Variants in STK10 observed in about 807,000 individuals in gnomAD.
STK10 encodes serine/threonine kinase 10, also known as serine/threonine-protein kinase 10.
Under a neutral mutation model 113.8 loss-of-function variants are expected in STK10, and 78 were observed. The observed-to-expected ratio is 0.69, with a 90% CI of 0.57 to 0.83. The LOEUF (loss-of-function observed/expected upper bound fraction) is 0.83. Among genes scored for constraint, STK10 ranks in the 40% least tolerant of loss-of-function variants. The pLI is 0.00. For missense variants in STK10, 1,109 were observed against 1,280.1 expected (o/e 0.87, Z 2.04); for synonymous variants, 465 against 494.7 (o/e 0.94, Z 0.80).
Position 172,052,967 on chromosome 5 carries a change from G to C in STK10, c.2728C>G (p.Leu910Val), listed in dbSNP as rs757849810. 16 of 1,614,060 alleles carry C rather than the reference G, an allele frequency of 9.9e-6. 1 individual carries two copies. The South Asian group carries it at 1.6e-4, about 17-fold the overall frequency. Residue 910 changes from leucine (L) to valine (V), a missense_variant, in exon 18 of 19, where the codon CTG becomes GTG. Leu to Val is a conservative substitution (Grantham distance 32). Transcript: ENST00000176763. ...KALDESHNQN[L>V]KEWRDKLRPR... ...CGAAGCTTGTCCCGCCATTCCTTCAGGTTCTGGTTATGGCTCTCATCCAGG... is the reference window on the plus strand; with the variant it reads ...CGAAGCTTGTCCCGCCATTCCTTCACGTTCTGGTTATGGCTCTCATCCAGG...
intron 1 of STK10, among the ~76,000 whole-genome samples, chr5:172,160,896 A>G (rs1770456959): frequency 6.6e-6 from 1 of 152,080 alleles, no homozygotes; most frequent in Non-Finnish European, 1.5e-5. Flanking sequence ...TGCACTTTCC[A>G]CCACTGTACA....
In STK10 at chr5:172,053,005, TG is replaced by T. The variant is rs752403144; in HGVS notation, c.2689del (p.Gln897ArgfsTer3). On this transcript the variant is annotated frameshift_variant, in exon 18 of 19. Transcript: ENST00000176763. LOFTEE classifies it high-confidence loss of function. ...GCTCTCATCCAGGGCCTTCAGTTTCTGGGTTTCGTGCTCTACCAGGAGGTGG... is the reference window on the plus strand; with the variant it reads ...GCTCTCATCCAGGGCCTTCAGTTTCTGGTTTCGTGCTCTACCAGGAGGTGG... The part of the protein sequence containing the change: ...KCHLLVEHET[Q>X]KLKALDESHN... 1 of 1,614,198 alleles carries T rather than the reference TG, an allele frequency of 6.2e-7. No individual in the cohort carries two copies. Among genetic ancestry groups the T allele is most frequent in the African/African-American group, 1.3e-5 (1 of 75,056 alleles).
At chr5:172,053,530 G>C (rs1049961871) in intron 17 of STK10, among the ~76,000 whole-genome samples, 17 of 152,240 alleles carry the variant, frequency 1.1e-4, no homozygotes, top group African/African-American at 4.1e-4. Flanking sequence ...TCACTGACAT[G>C]GGTGAGACTC....
rs35745235 is a variant in STK10 at position 172,150,047 on chromosome 5, CAAAAAAAAAAAA to C, written c.321+6565_321+6576del. On this transcript the variant is annotated intron_variant, in intron 2 of 18. Coordinates refer to ENST00000176763, the MANE Select transcript of STK10 (RefSeq NM_005990.4). ...GGGCAACAAGAACAAAACTTTGTCT[CAAAAAAAAAAAA>C]AAAAAAAAGAAAGAAAGACCTCCTT... Among the ~76,000 whole-genome samples, 379 of 87,112 alleles carry C rather than the reference CAAAAAAAAAAAA, an allele frequency of 4.4e-3. 3 individuals carry two copies. Among genetic ancestry groups the C allele is most frequent in the African/African-American group, 0.014 (339 of 23,670 alleles). 57.1% of individuals were successfully genotyped at this position (87,112 alleles called of 152,430 possible).
intron 2 of STK10, among the ~76,000 whole-genome samples, chr5:172,139,342 A>C (rs1338799351): frequency 6.6e-6 from 1 of 152,152 alleles, no homozygotes; most frequent in African/African-American, 2.4e-5. Context: ...AAAGACAGAC[A>C]TATAGATCAA....
chr5:172,174,257 C>T (rs1472686960), intron 1 of STK10, among the ~76,000 whole-genome samples: 3 of 152,108 alleles, frequency 2.0e-5, no homozygotes, highest in South Asian at 4.1e-4. Flanking sequence ...CTGCAACCTC[C>T]GCCTTTCGGG....
At chr5:172,053,138 A>G in intron 17 of STK10, 96 bp from the exon 18 acceptor site, 3 of 874,492 alleles carry the variant, frequency 3.4e-6, no homozygotes, top group South Asian at 2.9e-5. Context: ...GGGCACCAGC[A>G]TCGTTCATTT....
intron 1 of STK10, among the ~76,000 whole-genome samples, chr5:172,161,774 C>T (rs371594859): frequency 3.9e-5 from 6 of 152,060 alleles, no homozygotes; most frequent in African/African-American, 1.2e-4. Flanking sequence ...GAGACCGATC[C>T]GAGGCAGAGT....
chr5:172,130,246 C>G (rs183961598), intron 2 of STK10, among the ~76,000 whole-genome samples: 8 of 152,188 alleles, frequency 5.3e-5, no homozygotes, highest in Admixed American at 4.6e-4. Context: ...AGACCTAGTC[C>G]TAGGCTGGGG....
At chr5:172,090,133 T>A in intron 10 of STK10, 99 bp downstream of exon 10, 1 of 1,509,126 alleles carries the variant, frequency 6.6e-7, no homozygotes, top group Non-Finnish European at 8.9e-7. Context: ...CCCCACTTCA[T>A]GCTGTAGACA....
At chr5:172,083,754 A>C (rs1768484601) in intron 10 of STK10, among the ~76,000 whole-genome samples, 2 of 151,978 alleles carry the variant, frequency 1.3e-5, no homozygotes, top group South Asian at 4.1e-4. Context: ...CTAAAAATAC[A>C]AAAATTAGCT....
intron 3 of STK10, among the ~76,000 whole-genome samples, chr5:172,119,340 G>A (rs1029360232): frequency 3.9e-5 from 6 of 152,182 alleles, no homozygotes; most frequent in African/African-American, 1.2e-4. Context: ...TGCTGTGGAG[G>A]CTGCATTGTA....
At chr5:172,139,708 T>G (rs1769935509) in intron 2 of STK10, among the ~76,000 whole-genome samples, 1 of 151,740 alleles carries the variant, frequency 6.6e-6, no homozygotes, top group Non-Finnish European at 1.5e-5. Context: ...CAAAATGAAT[T>G]ACAAAGTGAA....
In STK10 at chr5:172,093,974, T is replaced by C; in HGVS notation, c.1006-14A>G. 7.2e-7 allele frequency: 1 copy of C among 1,396,398 alleles called. No homozygotes were observed. The highest frequency in any genetic ancestry group is 9.4e-7 in the Non-Finnish European group (1 of 1,069,190). The allele number at this position is 1,396,398 out of a possible 1,614,324, so 86.5% of individuals were successfully genotyped here. A position where few individuals can be genotyped will look rare whatever the true frequency, so the allele number is the denominator to read the frequency against. On this transcript the variant is annotated splice_polypyrimidine_tract_variant and intron_variant, in intron 8 of 18. Transcript: ENST00000176763. The surrounding 1 kb of genome is among the most constrained non-coding windows in gnomAD (Gnocchi z 4.1). ...GTTCTCCAGGGTCTAGAAAAATATA[T>C]ATATATATATTAAAGGCCATGCTGC... is the stretch of plus-strand genomic sequence containing the variant.
At chr5:172,156,564 C>G in intron 2 of STK10, 60 bp downstream of exon 2, 2 of 1,560,880 alleles carry the variant, frequency 1.3e-6, no homozygotes, top group South Asian at 1.2e-5. Context: ...CAGGACCAGG[C>G]TAGCTCCAGA....
intron 3 of STK10, among the ~76,000 whole-genome samples, chr5:172,118,878 CAAAAA>C (rs3028101): frequency 0.06 from 4,268 of 71,350 alleles, 314 homozygotes; most frequent in African/African-American, 0.2. Flanking sequence ...GACTCAGTCT[CAAAAA>C]AAAAAAAAAA....
chr5:172,048,414 T>TCCACACAC (rs1554114845), intron 18 of STK10, among the ~76,000 whole-genome samples: 1 of 128,394 alleles, frequency 7.8e-6, no homozygotes, highest in Non-Finnish European at 1.6e-5. Context: ...TCCCTCTCCC[T>TCCACACAC]ACACACACAC....
At chr5:172,088,504 A>T (rs1005285104) in intron 10 of STK10, among the ~76,000 whole-genome samples, 3 of 152,194 alleles carry the variant, frequency 2.0e-5, no homozygotes, top group Non-Finnish European at 4.4e-5. Context: ...AGCCTGAGCG[A>T]CAGAGCGAGA....
chr5:172,048,751 G>A (rs924920927), intron 18 of STK10, among the ~76,000 whole-genome samples: 11 of 152,122 alleles, frequency 7.2e-5, no homozygotes, highest in Non-Finnish European at 1.6e-4. Context: ...CAAAACATGA[G>A]TCAGACCACC....
Sources: allele counts gnomAD v4.1 joint callset (sites outside exome capture counted in the v4.1 genomes callset), GRCh38; gene constraint gnomAD v4.1.1; non-coding constraint Gnocchi (gnomAD v3.1); transcripts MANE v1.5; gene names NCBI Gene and HGNC (gene_info 2026-07-23, HGNC 2026-07-21).